The following BIRC6 variants were observed in gnomAD, a reference collection of about 807,000 sequenced individuals.
BIRC6 encodes the protein dual E2 ubiquitin-conjugating enzyme/E3 ubiquitin-protein ligase BIRC6.
Under a neutral mutation model 503.3 loss-of-function variants are expected in BIRC6, and 98 were observed. That is an observed-to-expected ratio of 0.19 (90% CI 0.17 to 0.23). BIRC6 has a LOEUF of 0.23. BIRC6 is among the 10% of genes least tolerant of loss of function. BIRC6 has a pLI of 1.00. For missense variants in BIRC6, 5,360 were observed against 5,806.0 expected, an observed-to-expected ratio of 0.92 and a Z score of 2.50; for synonymous variants, 2,240 against 2,078.7, an observed-to-expected ratio of 1.08 and a Z score of -2.11.
intron 60 of BIRC6, among the ~76,000 whole-genome samples, chr2:32,531,033 T>G (rs2056706882): frequency 6.6e-6 from 1 of 152,208 alleles, no homozygotes; most frequent in Admixed American, 6.5e-5. Context: ...GGACAGTGCT[T>G]CTCAAACTTC....
At chr2:32,511,813 C>A (rs1046553173) in intron 53 of BIRC6, among the ~76,000 whole-genome samples, 2 of 151,718 alleles carry the variant, frequency 1.3e-5, no homozygotes, top group South Asian at 4.2e-4. Context: ...TTATTAATAT[C>A]TTTATAAATT....
At chr2:32,432,213 T>G (rs993398209) in intron 12 of BIRC6, among the ~76,000 whole-genome samples, 1 of 151,992 alleles carries the variant, frequency 6.6e-6, no homozygotes, top group Non-Finnish European at 1.5e-5. Flanking sequence ...GCCAGGAGTT[T>G]AAGACCAGCC....
chr2:32,454,299 G>C (rs143638542), intron 23 of BIRC6, among the ~76,000 whole-genome samples: 1,987 of 152,246 alleles, frequency 0.013, 45 homozygotes, highest in African/African-American at 0.045. Flanking sequence ...AGAAGGTTGA[G>C]ATGAGTAAAG....
chr2:32,365,327 C>CT (rs35830300), intron 1 of BIRC6, among the ~76,000 whole-genome samples: 132,417 of 143,566 alleles, frequency 0.92, 61,101 homozygotes, highest in East Asian at 0.99. Flanking sequence ...ATAAATGTTA[C>CT]TTTTTTTTTT....
In BIRC6 at chr2:32,525,030, T is replaced by C. The variant is rs1245239174; in HGVS notation, c.11755+11T>C. The C allele has an allele frequency of 4.0e-6, 6 of 1,493,878 alleles. No individual in the cohort carries two copies. 92.5% of individuals were successfully genotyped at this position (1,493,878 alleles called of 1,614,324 possible). On this transcript the variant is annotated intron_variant, in intron 58 of 73. Coordinates refer to ENST00000421745, the MANE Select transcript of BIRC6 (RefSeq NM_016252.4). ...TTGTTGTTGCCTCTGGTATGCTTTC[T>C]ATTTTTTATAATCTTGATTTTGTTT...
chr2:32,530,633 C>A (rs111716813), intron 60 of BIRC6, among the ~76,000 whole-genome samples: 20 of 152,230 alleles, frequency 1.3e-4, no homozygotes, highest in Non-Finnish European at 1.5e-5. Flanking sequence ...ATTTTTACTC[C>A]TATAAATGCT....
chr2:32,614,813 C>T (rs537329738), intron 73 of BIRC6, among the ~76,000 whole-genome samples: 18 of 152,174 alleles, frequency 1.2e-4, no homozygotes, highest in South Asian at 1.0e-3. Context: ...GCCTGGGCAA[C>T]GAGTGTAAAA....
intron 31 of BIRC6, 73 bp downstream of exon 31, chr2:32,470,374 CTG>C (rs1369116331): frequency 1.5e-6 from 2 of 1,299,402 alleles, no homozygotes; most frequent in Non-Finnish European, 2.1e-6. Flanking sequence ...AATATCTTCT[CTG>C]AAATACTTTA....
intron 3 of BIRC6, among the ~76,000 whole-genome samples, chr2:32,381,446 G>A (rs181359191): frequency 7.4e-4 from 112 of 151,636 alleles, no homozygotes; most frequent in Non-Finnish European, 1.3e-3. Context: ...CGCCATGTTG[G>A]TCAGGCAGGT....
intron 9 of BIRC6, among the ~76,000 whole-genome samples, chr2:32,409,214 A>G (rs1009361547): frequency 2.0e-5 from 3 of 151,984 alleles, no homozygotes; most frequent in Non-Finnish European, 4.4e-5. Context: ...GCTGGAGTGC[A>G]GTGGCACGGA....
chr2:32,439,302 T>C (rs1558726975), intron 15 of BIRC6, among the ~76,000 whole-genome samples: 2 of 152,322 alleles, frequency 1.3e-5, no homozygotes, highest in South Asian at 2.1e-4. Context: ...GGTTTTATGC[T>C]ATTCATATCA....
At position 32,467,973 on chromosome 2, in the gene BIRC6, A is replaced by G. The variant is rs374592721; in HGVS notation, c.5642A>G (p.His1881Arg). 4.2e-5 allele frequency: 68 copies of G among 1,613,692 alleles called. No homozygotes were observed. The highest frequency in any genetic ancestry group is 5.6e-5 in the Non-Finnish European group (66 of 1,179,820). Reference protein sequence around the residue: ...AKIPLGFYYGHTYILPWESEL... With the variant: ...AKIPLGFYYGRTYILPWESEL... ...ATCCCATTAGGATTTTACTATGGTC[A>G]TACCTACATCTTGCCTTGGGAAAGT... The change falls in exon 28 of 74, where the codon CAT becomes CGT. Residue 1881 changes from histidine (H) to arginine (R), a missense_variant. By Grantham distance (29) the His-to-Arg change is conservative. Coordinates refer to ENST00000421745, the MANE Select transcript of BIRC6 (RefSeq NM_016252.4).
Position 32,357,106 on chromosome 2 carries a change from TGCGGGCGCCTGACTTCACTTCCG to T in BIRC6, c.-53_-31del. The T allele has an allele frequency of 3.6e-6, 5 of 1,385,396 alleles. No homozygotes were observed. Among genetic ancestry groups the T allele is most frequent in the Non-Finnish European group, 4.7e-6 (5 of 1,065,644 alleles). 85.8% of individuals were successfully genotyped at this position (1,385,396 alleles called of 1,614,324 possible). A position where few individuals can be genotyped will look rare whatever the true frequency, so the allele number is the denominator to read the frequency against. On this transcript the variant is annotated 5_prime_UTR_variant, in exon 1 of 74. Transcript: ENST00000421745. This position sits in a 1 kb window ranked among gnomAD's most constrained non-coding sequence, Gnocchi z 4.9. ...CCGGGCGATCGACGTTCCGCGTGCG[TGCGGGCGCCTGACTTCACTTCCG>T]GCTAACGCGCTCGGCTTGCCCCCTG...
rs756617915 is a variant in BIRC6, at chr2:32,401,583, T to C, written c.1378T>C (p.Ser460Pro). Reference sequence around the variant, plus strand: ...ACCAACTTTGGCGTGGCTGGAGGACTCCTCTAGTTGCTCAGATATACCAAA... The same window carrying C: ...ACCAACTTTGGCGTGGCTGGAGGACCCCTCTAGTTGCTCAGATATACCAAA... ...RRPTLAWLED[S>P]SSCSDIPKLE... Residue 460 changes from serine to proline, a missense_variant, in exon 8 of 74, where the codon TCC (serine) becomes CCC (proline). Transcript: ENST00000421745. 9 of 1,613,880 alleles carry C rather than the reference T, an allele frequency of 5.6e-6. No homozygotes were observed. The highest frequency in any genetic ancestry group is 7.6e-6 in the Non-Finnish European group (9 of 1,179,884).
chr2:32,509,562 C>G, intron 51 of BIRC6, 176 bp from the exon 52 acceptor site: 1 of 722,794 alleles, frequency 1.4e-6, no homozygotes, highest in East Asian at 2.8e-5. Flanking sequence ...CATGATTTAT[C>G]TTATAGGGGA....
rs2048741093 is a variant in BIRC6, at chr2:32,468,021, C to T, written c.5690C>T (p.Pro1897Leu). 1 of 1,613,694 alleles carries T rather than the reference C, an allele frequency of 6.2e-7. No homozygotes were observed. Among genetic ancestry groups the T allele is most frequent in the Non-Finnish European group, 8.5e-7 (1 of 1,179,838 alleles). ...AGTGAACTGAAGTTAATGCATGATC[C>T]TCTAAAGGGAGAGGGAGAATCTGCA... ...WESELKLMHD[P>L]LKGEGESANQ... The change falls in exon 28 of 74, where the codon CCT becomes CTT. Residue 1897 changes from proline (P) to leucine (L), a missense_variant. Around this residue, in one of 16 missense-constraint regions of BIRC6, gnomAD observed 2,299 missense variants for 2,267.2 expected, o/e 1.01. Coordinates refer to ENST00000421745, the MANE Select transcript of BIRC6 (RefSeq NM_016252.4).
At chr2:32,508,372 T>C in intron 51 of BIRC6, 113 bp downstream of exon 51, 1 of 1,304,566 alleles carries the variant, frequency 7.7e-7, no homozygotes, top group Non-Finnish European at 1.0e-6. Context: ...TAGGAAGGTC[T>C]TTGTTCCATA....
intron 34 of BIRC6, 84 bp from the exon 35 acceptor site, chr2:32,477,284 G>A (rs763120794): frequency 1.2e-4 from 171 of 1,369,250 alleles, no homozygotes; most frequent in Non-Finnish European, 1.6e-4. Flanking sequence ...AATATGGAGT[G>A]GATATTTTCA....
chr2:32,357,343 G>C lies in BIRC6; in HGVS notation c.182G>C (p.Gly61Ala). The change falls in exon 1 of 74, where the codon GGC becomes GCC. Residue 61 changes from glycine to alanine, a missense_variant. This residue lies in a region of BIRC6 where 145 missense variants were observed against 106.9 expected (regional missense o/e 1.36). Coordinates refer to ENST00000421745, the MANE Select transcript of BIRC6 (RefSeq NM_016252.4). The surrounding 1 kb of genome is among the most constrained non-coding windows in gnomAD (Gnocchi z 4.9). ...GVSEWLVLRDGCMHCDADGLH... is the reference protein window; with the variant it reads ...GVSEWLVLRDACMHCDADGLH... ...TCAGAGTGGCTGGTGCTGCGGGACG[G>C]CTGCATGCACTGCGACGCCGACGGG... 1 of 1,543,680 alleles carries C rather than the reference G, an allele frequency of 6.5e-7. No individual in the cohort carries two copies. The highest frequency in any genetic ancestry group is 8.7e-7 in the Non-Finnish European group (1 of 1,145,860).
Sources: gnomAD v4.1 joint callset for allele counts (sites outside exome capture counted in the v4.1 genomes callset) on GRCh38, gnomAD v4.1.1 for gene constraint, gnomAD v4.1.1 regional missense constraint, Gnocchi (gnomAD v3.1) non-coding constraint, MANE v1.5 for transcripts, NCBI Gene and HGNC (gene_info 2026-07-23, HGNC 2026-07-21) for gene names.